WDR44: variants seen among roughly 807,000 people sequenced by gnomAD.
WDR44 encodes WD repeat-containing protein 44.
Under a neutral mutation model 65.7 loss-of-function variants are expected in WDR44, and 9 were observed. That is an observed-to-expected ratio of 0.14 (90% confidence interval 0.08 to 0.24). WDR44 has a LOEUF of 0.24. Among genes scored for constraint, WDR44 ranks in the 10% least tolerant of loss-of-function variants. The probability of loss-of-function intolerance (pLI) is 1.00; values close to 1 mark genes in which losing one functional copy is unlikely to be tolerated. For synonymous variants in WDR44, 220 were observed against 235.2 expected, an observed-to-expected ratio of 0.94 and a Z score of 0.59; for missense variants, 425 against 670.9, an observed-to-expected ratio of 0.63 and a Z score of 4.05.
chrX:118,372,591 A>T (rs2056623049), intron 1 of WDR44, among the ~76,000 whole-genome samples: 2 of 111,932 alleles, frequency 1.8e-5, no homozygotes, highest in African/African-American at 6.5e-5. Context: ...GTTCAATAAA[A>T]AAAAAAGTGC....
chrX:118,429,801 C>G (rs2057192184), intron 12 of WDR44, among the ~76,000 whole-genome samples: 1 of 110,185 alleles, frequency 9.1e-6, no homozygotes, highest in South Asian at 3.9e-4. Context: ...GTGCACCACG[C>G]CCGGCTAATT....
intron 12 of WDR44, among the ~76,000 whole-genome samples, chrX:118,414,240 C>A (rs768039620): frequency 3.4e-5 from 3 of 88,703 alleles, no homozygotes; most frequent in South Asian, 6.1e-4. Flanking sequence ...ATGGGGATTG[C>A]GTTGAACTTG....
intron 10 of WDR44, among the ~76,000 whole-genome samples, chrX:118,408,423 A>T (rs1190567386): frequency 9.3e-6 from 1 of 107,084 alleles, no homozygotes; most frequent in Non-Finnish European, 1.9e-5. Flanking sequence ...TTTGTGGCAG[A>T]GTCTCGCTCT....
chrX:118,349,649 C>A (rs947752046), intron 1 of WDR44, among the ~76,000 whole-genome samples: 1 of 110,528 alleles, frequency 9.0e-6, no homozygotes, highest in African/African-American at 3.3e-5. Flanking sequence ...CCTTCGCCTC[C>A]CGGGTTCAAG....
intron 19 of WDR44, among the ~76,000 whole-genome samples, chrX:118,447,844 A>T (rs1212209427): frequency 2.0e-5 from 2 of 100,117 alleles, no homozygotes; most frequent in Non-Finnish European, 4.0e-5. Flanking sequence ...ACTGCATTCC[A>T]GCCTGTGCAA....
At chrX:118,376,887 C>T (rs2056665111) in intron 1 of WDR44, among the ~76,000 whole-genome samples, 1 of 110,315 alleles carries the variant, frequency 9.1e-6, no homozygotes, top group Admixed American at 9.7e-5. Flanking sequence ...GCCTGTAGTC[C>T]CAGTACTTGG....
In WDR44 at chrX:118,440,621, C is replaced by T. The variant is rs1366220434; in HGVS notation, c.1975-747C>T. ...CTAGCACCTCCCGTAAACACGCCCC[C>T]CCAAAAAAAGTCTGTGGTTAAATAT... On this transcript the variant is annotated intron_variant, in intron 14 of 19. Transcript: ENST00000254029. 1.2e-4 allele frequency among the ~76,000 whole-genome samples: 13 copies of T among 110,943 alleles called. No individual in the cohort carries two copies. The East Asian group carries it at 3.4e-3, about 29-fold the overall frequency.
At chrX:118,349,574 T>C (rs1277667964) in intron 1 of WDR44, among the ~76,000 whole-genome samples, 5 of 108,631 alleles carry the variant, frequency 4.6e-5, no homozygotes, top group Non-Finnish European at 9.6e-5. Flanking sequence ...TTTTTTTTTT[T>C]TGAGATGGAG....
chrX:118,376,557 A>G (rs1329254711), intron 1 of WDR44, among the ~76,000 whole-genome samples: 2 of 111,952 alleles, frequency 1.8e-5, no homozygotes, highest in African/African-American at 6.5e-5. Context: ...AAAAAAAATT[A>G]GAAATGGCAT....
At chrX:118,425,990 A>G (rs1373793835) in intron 12 of WDR44, among the ~76,000 whole-genome samples, 1 of 111,947 alleles carries the variant, frequency 8.9e-6, no homozygotes, top group African/African-American at 3.2e-5. Context: ...CAGGAGAATC[A>G]CTTGAACCCG....
chrX:118,378,446 A>G lies in WDR44; in HGVS notation c.105A>G (p.Thr35=). The change falls in exon 2 of 20, where the codon ACA becomes ACG. Residue 35 remains threonine, a synonymous_variant. Transcript: ENST00000254029. ...VGSPGKVGLS[T]FKETENTAYK... ...CTCCAGGAAAAGTTGGGCTTTCAAC[A>G]TTCAAGGTAAGTTGTGCTTTCTGAA... is the stretch of plus-strand genomic sequence containing the variant. 8.3e-7 allele frequency: 1 copy of G among 1,207,946 alleles called. No homozygotes were observed. The highest frequency in any genetic ancestry group is 3.0e-5 in the East Asian group (1 of 33,815).
At chrX:118,359,602 G>A (rs1055996165) in intron 1 of WDR44, among the ~76,000 whole-genome samples, 4 of 112,064 alleles carry the variant, frequency 3.6e-5, no homozygotes, top group Non-Finnish European at 7.5e-5. Context: ...GTGAACAGAT[G>A]TATATTTCAC....
intron 8 of WDR44, among the ~76,000 whole-genome samples, chrX:118,402,377 G>A (rs369699208): frequency 9.8e-6 from 1 of 101,873 alleles, no homozygotes; most frequent in African/African-American, 3.6e-5. Context: ...AGAGATTGCA[G>A]TGAGCTGAGA....
intron 1 of WDR44, among the ~76,000 whole-genome samples, chrX:118,362,074 G>A (rs763182436): frequency 8.9e-6 from 1 of 112,014 alleles, no homozygotes; most frequent in Admixed American, 9.5e-5. Flanking sequence ...TACTTGCATT[G>A]ATTGCCATTC....
At chrX:118,443,445 A>T (rs2057318854) in intron 17 of WDR44, 115 bp from the exon 18 acceptor site, 1 of 895,892 alleles carries the variant, frequency 1.1e-6, no homozygotes, top group Admixed American at 2.7e-5. Context: ...CATATTCAAC[A>T]AGACCCTTCA....
rs765795404 is a variant in WDR44 at position 118,385,453 on chromosome X, T to G, written c.112-1887T>G. Among the ~76,000 whole-genome samples the G allele has an allele frequency of 7.2e-5, 8 of 111,425 alleles. 1 individual carries two copies. In the South Asian group the frequency reaches 3.0e-3, roughly 42 times the overall value. On this transcript the variant is annotated intron_variant, in intron 2 of 19. Coordinates refer to ENST00000254029, the MANE Select transcript of WDR44 (RefSeq NM_019045.5). The stretch of plus-strand genomic sequence containing the variant: ...TCACTTATAGGTGGGAGCTAAATGA[T>G]GTGGACACATGAACCCATAGAGGGG...
At chrX:118,380,920 G>A (rs1447682014) in intron 2 of WDR44, among the ~76,000 whole-genome samples, 1 of 111,676 alleles carries the variant, frequency 9.0e-6, no homozygotes, top group Non-Finnish European at 1.9e-5. Context: ...AATTGGGAAA[G>A]CATTGTAGTT....
Position 118,410,955 on chromosome X carries a change from C to G in WDR44, c.1733C>G (p.Thr578Arg), listed in dbSNP as rs1248212520. The change falls in exon 12 of 20, where the codon ACA (threonine) becomes AGA (arginine). Residue 578 changes from threonine to arginine, a missense_variant. By Grantham distance (71) the Thr-to-Arg change is moderately conservative. Coordinates refer to ENST00000254029, the MANE Select transcript of WDR44 (RefSeq NM_019045.5). ...SLSSSKSDTD[T>R]GVCSGTDEDP... ...AGTTCATCAAAATCGGATACAGATA[C>G]AGGGGTATGCTTATTGTTTTATGGT... 6.8e-6 allele frequency: 8 copies of G among 1,182,249 alleles called. No individual in the cohort carries two copies. In the South Asian group the frequency reaches 1.5e-4, roughly 23 times the overall value.
At chrX:118,413,469 TG>T (rs1480317772) in intron 12 of WDR44, among the ~76,000 whole-genome samples, 1 of 112,591 alleles carries the variant, frequency 8.9e-6, no homozygotes, top group Non-Finnish European at 1.9e-5. Flanking sequence ...ATACGTGTGT[TG>T]GCCATTTGTA....
Sources: gnomAD v4.1 joint callset for allele counts (sites outside exome capture counted in the v4.1 genomes callset) on GRCh38, gnomAD v4.1.1 for gene constraint, MANE v1.5 for transcripts, NCBI Gene and HGNC (gene_info 2026-07-23, HGNC 2026-07-21) for gene names.